Variants in ARFGEF2 observed in about 807,000 individuals in gnomAD.
ARFGEF2 encodes brefeldin A-inhibited guanine nucleotide-exchange protein 2.
In ARFGEF2, 74 loss-of-function variants were observed where a neutral mutation model predicts 219.9. That is an observed-to-expected ratio of 0.34 (90% confidence interval 0.28 to 0.41). The LOEUF (loss-of-function observed/expected upper bound fraction) is 0.41, where lower values mean the gene tolerates loss of function less well. ARFGEF2 is among the 10% of genes least tolerant of loss of function. The pLI is 1.00. For synonymous variants in ARFGEF2, 733 were observed against 799.2 expected (o/e 0.92, Z 1.40); for missense variants, 1,743 against 2,218.3 (o/e 0.79, Z 4.30).
At chr20:48,941,808 G>T in intron 2 of ARFGEF2, 56 bp from the exon 3 acceptor site, 1 of 1,613,326 alleles carries the variant, frequency 6.2e-7, no homozygotes. Context: ...TGGGAAGTTA[G>T]AGTAAGGTGT....
At chr20:49,007,276 A>G (rs1184661702) in intron 26 of ARFGEF2, among the ~76,000 whole-genome samples, 2 of 148,374 alleles carry the variant, frequency 1.3e-5, no homozygotes, top group Non-Finnish European at 3.0e-5. Context: ...AGTGTACTTC[A>G]GATCAGCCTG....
At position 49,010,483 on chromosome 20, in the gene ARFGEF2, C is replaced by T. The variant is rs1017308262; in HGVS notation, c.3757+79C>T. 2.7e-5 allele frequency: 42 copies of T among 1,537,936 alleles called. No homozygotes were observed. In the Middle Eastern group the frequency reaches 6.7e-4, roughly 25 times the overall value. ...TGTCACTTGCTGTCTATTTTACTACCTACAGGGGCTTCCCTACCTTGGCTC... is the reference window on the plus strand; with the variant it reads ...TGTCACTTGCTGTCTATTTTACTACTTACAGGGGCTTCCCTACCTTGGCTC... On this transcript the variant is annotated intron_variant, in intron 27 of 38. Coordinates refer to ENST00000371917, the MANE Select transcript of ARFGEF2 (RefSeq NM_006420.3).
chr20:49,010,697 C>G (rs188972388), intron 27 of ARFGEF2, among the ~76,000 whole-genome samples: 83 of 152,232 alleles, frequency 5.5e-4, no homozygotes, highest in Admixed American at 4.0e-3. Flanking sequence ...CAAATCAATC[C>G]CAAGGCCACT....
intron 18 of ARFGEF2, 45 bp downstream of exon 18, chr20:48,988,707 G>C (rs769513708): frequency 6.3e-7 from 1 of 1,577,854 alleles, no homozygotes; most frequent in Middle Eastern, 2.0e-4. Flanking sequence ...TAATTTTTTA[G>C]TGTATCAGAA....
At chr20:48,947,156 T>C (rs1048483801) in intron 3 of ARFGEF2, among the ~76,000 whole-genome samples, 1 of 152,148 alleles carries the variant, frequency 6.6e-6, no homozygotes, top group Non-Finnish European at 1.5e-5. Context: ...CCCAGCACTT[T>C]GGGAGGCCGA....
chr20:49,036,075 C>T lies in ARFGEF2; in HGVS notation c.*2876C>T, dbSNP rs2091664836. Reference sequence around the variant, plus strand: ...TAGTAGTCTTTGTTATTAAAGGAACCTGCTGATAAGTACAAGTGTGACCAT... The same window carrying T: ...TAGTAGTCTTTGTTATTAAAGGAACTTGCTGATAAGTACAAGTGTGACCAT... On this transcript the variant is annotated 3_prime_UTR_variant, in exon 39 of 39. Transcript: ENST00000371917. The T allele has an allele frequency of 2.5e-6, 1 of 397,520 alleles. No homozygotes were observed. Among genetic ancestry groups the T allele is most frequent in the Non-Finnish European group, 4.4e-6 (1 of 225,758 alleles). The allele number at this position is 397,520 out of a possible 1,614,324, so 24.6% of individuals were successfully genotyped here. A position where few individuals can be genotyped will look rare whatever the true frequency, so the allele number is the denominator to read the frequency against.
rs746211545 is a variant in ARFGEF2, at chr20:48,941,927, C to T, written c.216C>T (p.Phe72=). The part of the protein sequence containing the change: ...FIEADKYFLP[F]ELACQSKSPR... ...AAGCTGACAAGTATTTTCTTCCATT[C>T]GAGCTAGCTTGCCAGTCCAAGTCCC... Residue 72 remains phenylalanine, a synonymous_variant, in exon 3 of 39, where the codon TTC becomes TTT. Coordinates refer to ENST00000371917, the MANE Select transcript of ARFGEF2 (RefSeq NM_006420.3). The T allele has an allele frequency of 1.5e-5, 24 of 1,614,096 alleles. No homozygotes were observed. Among genetic ancestry groups the T allele is most frequent in the South Asian group, 2.2e-5 (2 of 91,088 alleles).
At chr20:49,015,541 T>G (rs1324605479) in intron 30 of ARFGEF2, among the ~76,000 whole-genome samples, 1 of 152,236 alleles carries the variant, frequency 6.6e-6, no homozygotes, top group African/African-American at 2.4e-5. Flanking sequence ...TTTTTGCAGC[T>G]ACACTTCTAG....
chr20:48,941,810 G>A, intron 2 of ARFGEF2, 54 bp from the exon 3 acceptor site: 1 of 1,613,396 alleles, frequency 6.2e-7, no homozygotes, highest in Non-Finnish European at 8.5e-7. Flanking sequence ...GGAAGTTAGA[G>A]TAAGGTGTAG....
intron 38 of ARFGEF2, among the ~76,000 whole-genome samples, chr20:49,032,525 C>T (rs935067177): frequency 4.6e-5 from 7 of 151,618 alleles, no homozygotes; most frequent in Non-Finnish European, 1.5e-5. Context: ...CTTTTGGCAG[C>T]AAGACTATCC....
chr20:49,000,825 G>A (rs2091420759), intron 25 of ARFGEF2, among the ~76,000 whole-genome samples: 1 of 152,158 alleles, frequency 6.6e-6, no homozygotes, highest in Non-Finnish European at 1.5e-5. Flanking sequence ...TGGGACTTCT[G>A]TTTTGGGAGG....
Position 48,951,404 on chromosome 20 carries a change from G to A in ARFGEF2, c.358G>A (p.Glu120Lys). Residue 120 changes from glutamate (E) to lysine (K), a missense_variant, in exon 4 of 39, where the codon GAA becomes AAA. By Grantham distance (56) the Glu-to-Lys change is moderately conservative (BLOSUM62 1). Transcript: ENST00000371917. ...PGKRLIDRIV[E>K]TICSCFQGPQ... ...GAAGCGGCTGATCGACAGAATTGTT[G>A]AAACCATTTGCAGTTGTTTTCAGGG... 6 of 1,614,224 alleles carry A rather than the reference G, an allele frequency of 3.7e-6. No homozygotes were observed. Among genetic ancestry groups the A allele is most frequent in the Admixed American group, 1.7e-5 (1 of 60,028 alleles).
rs1447371020 is a variant in ARFGEF2, at chr20:48,960,686, T to TC, written c.839-3144_839-3143insC. ...TTTGGTAGAGACTGGGTTTCTGTTG[T>TC]TGACCAGGCTGGTCTCGAACTCCAG... On this transcript the variant is annotated intron_variant, in intron 6 of 38. Coordinates refer to ENST00000371917, the MANE Select transcript of ARFGEF2 (RefSeq NM_006420.3). Among the ~76,000 whole-genome samples, 12 of 151,654 alleles carry TC rather than the reference T, an allele frequency of 7.9e-5. No homozygotes were observed. The East Asian group carries it at 2.2e-3, about 28-fold the overall frequency.
In ARFGEF2 at chr20:48,963,877, G is replaced by A; in HGVS notation, c.886G>A (p.Val296Ile). The change falls in exon 7 of 39, where the codon GTA (valine) becomes ATA (isoleucine). Residue 296 changes from valine to isoleucine, a missense_variant. Physicochemically the swap from Val to Ile is conservative, Grantham distance 29. Transcript: ENST00000371917. ...QEVVKDILEDVVTSAIKEAAE... is the reference protein window; with the variant it reads ...QEVVKDILEDIVTSAIKEAAE... The stretch of plus-strand genomic sequence containing the variant: ...GGTGGTGAAGGACATCTTGGAAGAT[G>A]TAGTCACATCTGCCATTAAAGGTAA... 5 of 1,614,008 alleles carry A rather than the reference G, an allele frequency of 3.1e-6. No individual in the cohort carries two copies. Among genetic ancestry groups the A allele is most frequent in the Non-Finnish European group, 4.2e-6 (5 of 1,179,976 alleles).
chr20:49,013,408 A>G (rs1180107509), intron 28 of ARFGEF2, among the ~76,000 whole-genome samples, 156 bp from the exon 29 acceptor site: 3 of 151,904 alleles, frequency 2.0e-5, no homozygotes, highest in Non-Finnish European at 4.4e-5. Context: ...TTTGGGACAG[A>G]TAATGTCTTT....
chr20:48,929,608 G>C (rs2090900851), intron 1 of ARFGEF2, among the ~76,000 whole-genome samples: 1 of 152,222 alleles, frequency 6.6e-6, no homozygotes, highest in Non-Finnish European at 1.5e-5. Context: ...CCAGGGCAGT[G>C]AACAGTGGGG....
At chr20:48,967,167 CT>C (rs1231148861) in intron 8 of ARFGEF2, among the ~76,000 whole-genome samples, 2 of 152,066 alleles carry the variant, frequency 1.3e-5, no homozygotes, top group Non-Finnish European at 2.9e-5. Context: ...TTTTTCCCCC[CT>C]TGAGGATGCG....
chr20:48,926,894 G>A (rs2090880437), intron 1 of ARFGEF2, among the ~76,000 whole-genome samples: 1 of 152,188 alleles, frequency 6.6e-6, no homozygotes, highest in African/African-American at 2.4e-5. Flanking sequence ...GCTTCACATA[G>A]ATCATAACAT....
intron 26 of ARFGEF2, among the ~76,000 whole-genome samples, chr20:49,007,629 G>A (rs1328564327): frequency 2.1e-5 from 3 of 143,980 alleles, no homozygotes. Flanking sequence ...GAAAATGGGA[G>A]CTCCCAAGCT....
Sources: allele counts gnomAD v4.1 joint callset (sites outside exome capture counted in the v4.1 genomes callset), GRCh38; gene constraint gnomAD v4.1.1; transcripts MANE v1.5; gene names NCBI Gene and HGNC (gene_info 2026-07-23, HGNC 2026-07-21).